MARK2: variants seen among roughly 807,000 people sequenced by gnomAD.
The protein encoded by MARK2 is microtubule affinity regulating kinase 2, also known as serine/threonine-protein kinase MARK2.
MARK2 carries 16 observed loss-of-function variants against 89.8 expected under a neutral mutation model. The ratio of observed to expected loss-of-function variants is 0.18; its 90% CI spans 0.12 to 0.27. The LOEUF is 0.27. Among genes scored for constraint, MARK2 ranks in the 10% least tolerant of loss-of-function variants. The pLI is 1.00. For missense variants in MARK2, 621 were observed against 1,049.9 expected (o/e 0.59, Z 5.65); for synonymous variants, 382 against 399.5 (o/e 0.96, Z 0.52).
intron 16 of MARK2, among the ~76,000 whole-genome samples, chr11:63,905,775 G>C (rs1941274449): frequency 6.6e-6 from 1 of 152,222 alleles, no homozygotes; most frequent in Non-Finnish European, 1.5e-5. Context: ...CTGCCTTGGA[G>C]TAGCAGCTCA....
At chr11:63,868,402 C>T (rs1172496919) in intron 1 of MARK2, 7 of 174,334 alleles carry the variant, frequency 4.0e-5, no homozygotes. Context: ...GAAGTGTGTC[C>T]ATATTGATTT....
Position 63,859,240 on chromosome 11 carries a change from G to A in MARK2, c.54+19680G>A, listed in dbSNP as rs73492297. Among the ~76,000 whole-genome samples the A allele has an allele frequency of 8.7e-3, 1,314 of 151,796 alleles. 16 individuals carry two copies. Among genetic ancestry groups the A allele is most frequent in the African/African-American group, 0.027 (1,122 of 41,442 alleles). ...CAGACACTCAATAGTCTATTCCCTGGGTGGCTTGAGACCTGACATACTTTG... is the reference window on the plus strand; with the variant it reads ...CAGACACTCAATAGTCTATTCCCTGAGTGGCTTGAGACCTGACATACTTTG... On this transcript the variant is annotated intron_variant, in intron 1 of 18. Coordinates refer to ENST00000402010, the MANE Select transcript of MARK2 (RefSeq NM_001039469.3).
At chr11:63,845,764 C>G (rs1322888194) in intron 1 of MARK2, among the ~76,000 whole-genome samples, 1 of 152,088 alleles carries the variant, frequency 6.6e-6, no homozygotes, top group Non-Finnish European at 1.5e-5. Context: ...CTCTGGTCAC[C>G]CAGGCTGGAG....
chr11:63,883,475 G>A (rs1332171888), intron 1 of MARK2, among the ~76,000 whole-genome samples: 1 of 152,150 alleles, frequency 6.6e-6, no homozygotes, highest in Non-Finnish European at 1.5e-5. Context: ...CCCTTGGAGA[G>A]GGGAAACAAT....
intron 11 of MARK2, 75 bp downstream of exon 11, chr11:63,901,144 G>A: frequency 2.1e-6 from 2 of 949,410 alleles, no homozygotes; most frequent in Non-Finnish European, 3.4e-6. Context: ...AACACCTGTT[G>A]AGGGCAGAAG....
At chr11:63,885,924 C>G (rs372489236) in intron 1 of MARK2, among the ~76,000 whole-genome samples, 3 of 151,762 alleles carry the variant, frequency 2.0e-5, no homozygotes, top group African/African-American at 7.3e-5. Context: ...GCCAGGAGAT[C>G]GAGACCATCC....
In MARK2 at chr11:63,910,659, T is replaced by TA. The variant is rs1554990172; in HGVS notation, c.*1422_*1423insA. 1 of 150,320 alleles carries TA rather than the reference T, an allele frequency of 6.7e-6. No individual in the cohort carries two copies. The highest frequency in any genetic ancestry group is 2.1e-4 in the South Asian group (1 of 4,786). 9.3% of individuals were successfully genotyped at this position (150,320 alleles called of 1,614,324 possible). On this transcript the variant is annotated 3_prime_UTR_variant, in exon 19 of 19. Coordinates refer to ENST00000402010, the MANE Select transcript of MARK2 (RefSeq NM_001039469.3). ...TTTTTATTATTTTATTTTATTTTTT[T>TA]TTTTTTTGATTTATGATGACTCCAC...
chr11:63,883,284 C>A (rs774556238), intron 1 of MARK2, among the ~76,000 whole-genome samples: 7 of 152,212 alleles, frequency 4.6e-5, no homozygotes, highest in Non-Finnish European at 1.0e-4. Context: ...TTCAGCTACT[C>A]CTCCTGCAGG....
At chr11:63,906,464 C>T (rs954042767) in intron 17 of MARK2, among the ~76,000 whole-genome samples, 2 of 152,086 alleles carry the variant, frequency 1.3e-5, no homozygotes, top group Admixed American at 6.5e-5. Flanking sequence ...TTAAGATTGT[C>T]TCCTCTCACC....
At chr11:63,898,166 G>A in intron 3 of MARK2, 66 bp from the exon 4 acceptor site, 1 of 1,376,094 alleles carries the variant, frequency 7.3e-7, no homozygotes, top group East Asian at 2.3e-5. Flanking sequence ...TCCTGGCAGG[G>A]ACTGTTTGGA....
intron 1 of MARK2, among the ~76,000 whole-genome samples, chr11:63,876,192 A>G (rs1354763970): frequency 6.6e-6 from 1 of 152,262 alleles, no homozygotes; most frequent in African/African-American, 2.4e-5. Flanking sequence ...ACCCAAGTCC[A>G]AGTTCAAGCC....
At chr11:63,875,998 C>T (rs577099507) in intron 1 of MARK2, among the ~76,000 whole-genome samples, 20 of 152,242 alleles carry the variant, frequency 1.3e-4, no homozygotes, top group Non-Finnish European at 2.9e-4. Context: ...AAACACTGAT[C>T]ACATTTCCCA....
intron 1 of MARK2, among the ~76,000 whole-genome samples, chr11:63,874,012 T>G (rs1047641672): frequency 1.3e-5 from 2 of 152,228 alleles, no homozygotes; most frequent in African/African-American, 4.8e-5. Flanking sequence ...AGCCTGTAAC[T>G]TCACAGAGCC....
At chr11:63,897,432 T>C (rs1216037911) in intron 3 of MARK2, among the ~76,000 whole-genome samples, 1 of 152,224 alleles carries the variant, frequency 6.6e-6, no homozygotes, top group African/African-American at 2.4e-5. Context: ...GGGAAACAAA[T>C]GTATTCACTT....
At chr11:63,863,942 T>A (rs1937972538) in intron 1 of MARK2, among the ~76,000 whole-genome samples, 1 of 151,866 alleles carries the variant, frequency 6.6e-6, no homozygotes, top group Non-Finnish European at 1.5e-5. Flanking sequence ...CAGCTAATTT[T>A]TTTATTTTTA....
At chr11:63,847,355 T>C (rs893040228) in intron 1 of MARK2, among the ~76,000 whole-genome samples, 2 of 152,184 alleles carry the variant, frequency 1.3e-5, no homozygotes, top group African/African-American at 2.4e-5. Flanking sequence ...ACACTGATAC[T>C]GGTGGCTAGG....
At position 63,903,986 on chromosome 11, in the gene MARK2, C is replaced by A; in HGVS notation, c.1515C>A (p.Ser505Arg). 1.2e-6 allele frequency: 2 copies of A among 1,604,194 alleles called. No homozygotes were observed. The highest frequency in any genetic ancestry group is 1.7e-6 in the Non-Finnish European group (2 of 1,175,156). The change falls in exon 15 of 19, where the codon AGC becomes AGA. Residue 505 changes from serine to arginine, a missense_variant and splice_region_variant. Physicochemically the swap from Ser to Arg is moderately radical, Grantham distance 110 (BLOSUM62 -1). Coordinates refer to ENST00000402010, the MANE Select transcript of MARK2 (RefSeq NM_001039469.3). The surrounding 1 kb of genome is among the most constrained non-coding windows in gnomAD (Gnocchi z 5.1). ...GQASIQNGKD[S>R]LTMPGSRAST... Reference sequence around the variant, plus strand: ...CCTCTCCGCTGCTTTTGTTTCCTAGCCTAACCATGCCAGGGTCCCGGGCCT... The same window carrying A: ...CCTCTCCGCTGCTTTTGTTTCCTAGACTAACCATGCCAGGGTCCCGGGCCT...
intron 1 of MARK2, among the ~76,000 whole-genome samples, chr11:63,842,257 G>A (rs913871877): frequency 2.8e-5 from 4 of 143,998 alleles, no homozygotes; most frequent in Non-Finnish European, 3.0e-5. Flanking sequence ...TCGTTCTGTC[G>A]CCAGGCTGGA....
chr11:63,898,958 G>T, intron 6 of MARK2, 94 bp from the exon 7 acceptor site: 1 of 1,215,790 alleles, frequency 8.2e-7, no homozygotes, highest in East Asian at 2.3e-5. Flanking sequence ...TATCCGTGTG[G>T]CAGGTTAGCA....
Sources: gnomAD v4.1 joint callset for allele counts (sites outside exome capture counted in the v4.1 genomes callset) on GRCh38, gnomAD v4.1.1 for gene constraint, Gnocchi (gnomAD v3.1) non-coding constraint, MANE v1.5 for transcripts, NCBI Gene and HGNC (gene_info 2026-07-23, HGNC 2026-07-21) for gene names.